KCNT2: variants seen among roughly 807,000 people sequenced by gnomAD.
KCNT2 encodes potassium channel subfamily T member 2.
A neutral mutation model predicts 153.8 loss-of-function variants in KCNT2; 67 were observed. That is an observed-to-expected ratio of 0.44 (90% CI 0.36 to 0.53). The LOEUF (loss-of-function observed/expected upper bound fraction) is 0.53, where lower values mean the gene tolerates loss of function less well. Ranked by LOEUF, KCNT2 falls within the 20% of genes least tolerant of loss-of-function variation. The probability of loss-of-function intolerance (pLI) is 0.00; values close to 1 mark genes in which losing one functional copy is unlikely to be tolerated. For synonymous variants in KCNT2, 500 were observed against 458.8 expected, an observed-to-expected ratio of 1.09 and a Z score of -1.15; for missense variants, 975 against 1,354.8, an observed-to-expected ratio of 0.72 and a Z score of 4.40.
chr1:196,376,205 T>C (rs1164122478), intron 13 of KCNT2, among the ~76,000 whole-genome samples: 1 of 151,916 alleles, frequency 6.6e-6, no homozygotes, highest in Admixed American at 6.6e-5. Context: ...ATTGTCATTC[T>C]CACTACTTAC....
rs1000320866 is a variant in KCNT2, at chr1:196,225,883, A to G, written c.*2341T>C. On this transcript the variant is annotated 3_prime_UTR_variant, in exon 28 of 28. Coordinates refer to ENST00000294725, the MANE Select transcript of KCNT2 (RefSeq NM_198503.5). ...ACAGAATCAATTCCCATTGGGCTAC[A>G]AGGACTATTATTGACTTTATATTTT... The G allele has an allele frequency of 6.6e-6, 1 of 152,144 alleles. No homozygotes were observed. Among genetic ancestry groups the G allele is most frequent in the African/African-American group, 2.4e-5 (1 of 41,462 alleles). The allele number at this position is 152,144 out of a possible 1,614,324, so 9.4% of individuals were successfully genotyped here. A position where few individuals can be genotyped will look rare whatever the true frequency, so the allele number is the denominator to read the frequency against.
At chr1:196,317,942 AATT>A (rs1426626313) in intron 20 of KCNT2, among the ~76,000 whole-genome samples, 1 of 151,674 alleles carries the variant, frequency 6.6e-6, no homozygotes, top group African/African-American at 2.4e-5. Flanking sequence ...GAAGCTTTTT[AATT>A]ATTTTCTGCT....
intron 13 of KCNT2, among the ~76,000 whole-genome samples, chr1:196,395,728 A>T (rs963589990): frequency 6.6e-6 from 1 of 151,628 alleles, no homozygotes; most frequent in African/African-American, 2.4e-5. Flanking sequence ...TGTTATTTTG[A>T]CAAATTTATT....
intron 25 of KCNT2, among the ~76,000 whole-genome samples, chr1:196,262,483 C>G (rs16839685): frequency 0.05 from 7,546 of 151,928 alleles, 282 homozygotes; most frequent in Non-Finnish European, 0.071. Flanking sequence ...GCTAGTTTAA[C>G]ATTTTCTCAA....
chr1:196,480,402 T>C, intron 4 of KCNT2, among the ~76,000 whole-genome samples: 1 of 152,028 alleles, frequency 6.6e-6, no homozygotes, highest in Non-Finnish European at 1.5e-5. Context: ...TGTTCAGAAG[T>C]ATGTGCAGTA....
chr1:196,526,436 C>A (rs6693594), intron 1 of KCNT2, among the ~76,000 whole-genome samples: 28,779 of 151,026 alleles, frequency 0.19, 3,633 homozygotes, highest in East Asian at 0.51. Flanking sequence ...AGTCTTAGAA[C>A]CTTACCATGT....
In KCNT2 at chr1:196,280,999, C is replaced by T. The variant is rs201763185; in HGVS notation, c.2782-11G>A. The stretch of plus-strand genomic sequence containing the variant: ...TGCAGTGATTTTCATCTATAACACA[C>T]ACAAATTATTTACATATTAAATGTG... On this transcript the variant is annotated splice_polypyrimidine_tract_variant and intron_variant, in intron 24 of 27. Coordinates refer to ENST00000294725, the MANE Select transcript of KCNT2 (RefSeq NM_198503.5). 2,966 of 1,594,096 alleles carry T rather than the reference C, an allele frequency of 1.9e-3. 1 individual carries two copies. The highest frequency in any genetic ancestry group is 2.4e-3 in the Non-Finnish European group (2,824 of 1,165,016).
chr1:196,329,879 A>G (rs1393410944), intron 18 of KCNT2, among the ~76,000 whole-genome samples: 20 of 124,792 alleles, frequency 1.6e-4, no homozygotes, highest in African/African-American at 2.6e-4. Context: ...ATACACTTAT[A>G]TGTGTGTGTG....
At chr1:196,602,943 C>T (rs1471365711) in intron 1 of KCNT2, among the ~76,000 whole-genome samples, 3 of 150,504 alleles carry the variant, frequency 2.0e-5, no homozygotes, top group Non-Finnish European at 4.4e-5. Context: ...CCCGCCACCG[C>T]GCCCGGCTAA....
chr1:196,365,542 A>G (rs961664176), intron 14 of KCNT2, among the ~76,000 whole-genome samples: 1 of 152,174 alleles, frequency 6.6e-6, no homozygotes, highest in East Asian at 1.9e-4. Context: ...AAGATTGGCC[A>G]TGGTTAAAAA....
At chr1:196,330,861 G>C (rs1664390019) in intron 18 of KCNT2, among the ~76,000 whole-genome samples, 1 of 151,926 alleles carries the variant, frequency 6.6e-6, no homozygotes, top group South Asian at 2.1e-4. Flanking sequence ...GATTTTTGGA[G>C]ACTTTGGTTG....
chr1:196,358,555 A>G (rs745378266), intron 14 of KCNT2, among the ~76,000 whole-genome samples: 8 of 151,880 alleles, frequency 5.3e-5, no homozygotes, highest in Non-Finnish European at 1.2e-4. Context: ...CTTCTAAATT[A>G]TTGTTTATAC....
In KCNT2 at chr1:196,373,381, G is replaced by GTGC. The variant is rs138739561; in HGVS notation, c.1295-136_1295-134dup. ...ACTTGTTTTAGAGATGTTTTTACAA[G>GTGC]TGCAATTTTATCCCCAGGAAATATA... is the stretch of plus-strand genomic sequence containing the variant. On this transcript the variant is annotated intron_variant, in intron 13 of 27. Coordinates refer to ENST00000294725, the MANE Select transcript of KCNT2 (RefSeq NM_198503.5). 2.3e-3 allele frequency: 1,360 copies of GTGC among 582,476 alleles called. 21 individuals are homozygous for GTGC. Among genetic ancestry groups the GTGC allele is most frequent in the African/African-American group, 0.023 (1,218 of 52,556 alleles). 36.1% of individuals were successfully genotyped at this position (582,476 alleles called of 1,614,324 possible).
chr1:196,452,152 T>G (rs1339129793), intron 8 of KCNT2, among the ~76,000 whole-genome samples: 3 of 152,004 alleles, frequency 2.0e-5, no homozygotes, highest in African/African-American at 7.2e-5. Context: ...AGTGCACGAC[T>G]AAAGTCATGC....
At chr1:196,440,450 T>A (rs1221022414) in intron 8 of KCNT2, among the ~76,000 whole-genome samples, 2 of 152,016 alleles carry the variant, frequency 1.3e-5, no homozygotes, top group African/African-American at 2.4e-5. Context: ...TTGATTAATT[T>A]TAAAGGATTT....
intron 26 of KCNT2, among the ~76,000 whole-genome samples, chr1:196,249,155 A>C (rs538707660): frequency 6.6e-6 from 1 of 152,298 alleles, no homozygotes; most frequent in African/African-American, 2.4e-5. Flanking sequence ...AACAAACCTC[A>C]ACACAATAAA....
At chr1:196,250,975 T>C (rs1349659473) in intron 26 of KCNT2, among the ~76,000 whole-genome samples, 4 of 152,000 alleles carry the variant, frequency 2.6e-5, no homozygotes, top group Non-Finnish European at 5.9e-5. Context: ...CAATGACAAA[T>C]CCTGACGAGG....
intron 8 of KCNT2, among the ~76,000 whole-genome samples, chr1:196,457,508 A>C (rs957024272): frequency 6.8e-6 from 1 of 146,414 alleles, no homozygotes; most frequent in African/African-American, 2.5e-5. Flanking sequence ...TGGCAAGCAC[A>C]TCTTAAAGCT....
At chr1:196,565,637 A>G (rs558316630) in intron 1 of KCNT2, among the ~76,000 whole-genome samples, 9 of 150,344 alleles carry the variant, frequency 6.0e-5, no homozygotes, top group Non-Finnish European at 1.2e-4. Context: ...TATTATCATC[A>G]CTTAAAAAAT....
Sources: allele counts gnomAD v4.1 joint callset (sites outside exome capture counted in the v4.1 genomes callset), GRCh38; gene constraint gnomAD v4.1.1; transcripts MANE v1.5; gene names NCBI Gene and HGNC (gene_info 2026-07-23, HGNC 2026-07-21).